The following ANKS1B variants were observed in gnomAD, a reference collection of about 807,000 sequenced individuals.
The protein encoded by ANKS1B is ankyrin repeat and sterile alpha motif domain-containing protein 1B.
In ANKS1B, 36 loss-of-function variants were observed where a neutral mutation model predicts 148.3. The ratio of observed to expected loss-of-function variants is 0.24; its 90% CI spans 0.19 to 0.32. The LOEUF is 0.32. Ranked by LOEUF, ANKS1B falls within the 10% of genes least tolerant of loss-of-function variation. The probability of loss-of-function intolerance (pLI) is 1.00; values close to 1 mark genes in which losing one functional copy is unlikely to be tolerated. For synonymous variants in ANKS1B, 542 were observed against 560.8 expected (o/e 0.97, Z 0.47); for missense variants, 1,157 against 1,542.6 (o/e 0.75, Z 4.19).
intron 8 of ANKS1B, among the ~76,000 whole-genome samples, chr12:99,727,361 C>A (rs886215079): frequency 2.0e-5 from 3 of 151,720 alleles, no homozygotes; most frequent in Non-Finnish European, 4.4e-5. Flanking sequence ...AAGCAGAGGA[C>A]CAAATCACAA....
intron 14 of ANKS1B, among the ~76,000 whole-genome samples, chr12:99,190,663 C>A (rs1032117292): frequency 5.3e-5 from 8 of 152,118 alleles, no homozygotes; most frequent in African/African-American, 1.9e-4. Flanking sequence ...AAACTGCACC[C>A]CCTTCCTTAC....
chr12:99,617,350 G>A (rs559117841), intron 9 of ANKS1B, among the ~76,000 whole-genome samples: 2 of 152,222 alleles, frequency 1.3e-5, no homozygotes, highest in Admixed American at 1.3e-4. Context: ...GATGTTTATT[G>A]TAGCACTATT....
At position 99,060,653 on chromosome 12, in the gene ANKS1B, TCACACACACACACACA is replaced by T. The variant is rs35515489; in HGVS notation, c.2626-7360_2626-7345del. Among the ~76,000 whole-genome samples the T allele has an allele frequency of 3.8e-3, 485 of 126,094 alleles. 5 individuals are homozygous for T. Among genetic ancestry groups the T allele is most frequent in the African/African-American group, 0.011 (374 of 33,854 alleles). 82.7% of individuals were successfully genotyped at this position (126,094 alleles called of 152,430 possible). A position where few individuals can be genotyped will look rare whatever the true frequency, so the allele number is the denominator to read the frequency against. On this transcript the variant is annotated intron_variant, in intron 16 of 26. Coordinates refer to ENST00000683438, the MANE Select transcript of ANKS1B (RefSeq NM_001352186.2). ...ATACACACATATACATATATACACA[TCACACACACACACACA>T]CACACACACACACACACACACACAC...
intron 8 of ANKS1B, among the ~76,000 whole-genome samples, chr12:99,713,186 G>T (rs1265578280): frequency 6.6e-6 from 1 of 152,072 alleles, no homozygotes; most frequent in East Asian, 1.9e-4. Flanking sequence ...TCTGTGAGGG[G>T]ATCCATGAGT....
chr12:98,894,778 G>A (rs1453677350), intron 17 of ANKS1B: 2 of 985,090 alleles, frequency 2.0e-6, no homozygotes, highest in Non-Finnish European at 2.4e-6. Flanking sequence ...TGCGAGCGGC[G>A]AGGCGAGGGC....
chr12:98,765,252 T>C lies in ANKS1B; in HGVS notation c.3579+7790A>G, dbSNP rs577361136. On this transcript the variant is annotated intron_variant, in intron 25 of 26. Transcript: ENST00000683438. ...ATCTCTATTTTACAGATTAGGAAAC[T>C]GAAGACTAGAGGCATTCTTTTTTAT... Among the ~76,000 whole-genome samples, 4 of 152,318 alleles carry C rather than the reference T, an allele frequency of 2.6e-5. No homozygotes were observed. The South Asian group carries it at 6.2e-4, about 24-fold the overall frequency.
In ANKS1B at chr12:99,714,965, A is replaced by C. The variant is rs1053886673; in HGVS notation, c.1128+57957T>G. On this transcript the variant is annotated intron_variant, in intron 8 of 26. Transcript: ENST00000683438. ...GAAATCCCATCTCTATTAAAAATACAAAAAAAAAAAAAAATTAGCTGGGCA... is the reference window on the plus strand; with the variant it reads ...GAAATCCCATCTCTATTAAAAATACCAAAAAAAAAAAAAATTAGCTGGGCA... 1.1e-3 allele frequency among the ~76,000 whole-genome samples: 103 copies of C among 97,030 alleles called. 1 individual carries two copies. The highest frequency in any genetic ancestry group is 3.2e-3 in the African/African-American group (91 of 28,388). The allele number at this position is 97,030 out of a possible 152,430, so 63.7% of individuals were successfully genotyped here. A position where few individuals can be genotyped will look rare whatever the true frequency, so the allele number is the denominator to read the frequency against.
At chr12:98,865,703 T>C (rs1194110830) in intron 17 of ANKS1B, among the ~76,000 whole-genome samples, 1 of 151,982 alleles carries the variant, frequency 6.6e-6, no homozygotes, top group Non-Finnish European at 1.5e-5. Context: ...TATGCTTCAA[T>C]GAGAAGATGG....
intron 17 of ANKS1B, among the ~76,000 whole-genome samples, chr12:98,993,251 T>TCC (rs1233362330): frequency 6.6e-6 from 1 of 152,190 alleles, no homozygotes; most frequent in Non-Finnish European, 1.5e-5. Flanking sequence ...CACTGAAACC[T>TCC]CCACCTCCCA....
Position 98,745,604 on chromosome 12 carries a change from C to T in ANKS1B, c.*135G>A, listed in dbSNP as rs544545940. ...GAACTTCCCCAGGAATGGCCAGTGG[C>T]CTTTCGCCCGTAACAAGGCCGCACG... On this transcript the variant is annotated 3_prime_UTR_variant, in exon 27 of 27. Coordinates refer to ENST00000683438, the MANE Select transcript of ANKS1B (RefSeq NM_001352186.2). 7 of 1,430,612 alleles carry T rather than the reference C, an allele frequency of 4.9e-6. No individual in the cohort carries two copies. Among genetic ancestry groups the T allele is most frequent in the South Asian group, 1.5e-5 (1 of 66,422 alleles). The allele number at this position is 1,430,612 out of a possible 1,614,324, so 88.6% of individuals were successfully genotyped here.
intron 9 of ANKS1B, among the ~76,000 whole-genome samples, chr12:99,571,177 TG>T (rs1267683922): frequency 1.3e-5 from 2 of 152,138 alleles, no homozygotes; most frequent in African/African-American, 2.4e-5. Flanking sequence ...ATGTCTTTTT[TG>T]ATAACAATGC....
At chr12:98,836,712 A>C (rs1333964342) in intron 17 of ANKS1B, among the ~76,000 whole-genome samples, 1 of 152,232 alleles carries the variant, frequency 6.6e-6, no homozygotes, top group African/African-American at 2.4e-5. Flanking sequence ...ACTGCAGTAG[A>C]GAAGAATTCT....
At chr12:98,803,076 A>C (rs2153599377) in intron 20 of ANKS1B, among the ~76,000 whole-genome samples, 1 of 152,250 alleles carries the variant, frequency 6.6e-6, no homozygotes, top group Middle Eastern at 3.4e-3. Flanking sequence ...TTCTAAAATT[A>C]GATTAAGTTT....
intron 15 of ANKS1B, among the ~76,000 whole-genome samples, chr12:99,141,278 C>T (rs2070660471): frequency 6.6e-6 from 1 of 152,052 alleles, no homozygotes; most frequent in Non-Finnish European, 1.5e-5. Context: ...TGACAGTTGT[C>T]TACTACTTCT....
intron 15 of ANKS1B, among the ~76,000 whole-genome samples, chr12:99,145,525 T>C (rs2072735799): frequency 6.6e-6 from 1 of 152,092 alleles, no homozygotes; most frequent in Admixed American, 6.6e-5. Flanking sequence ...GGAGGGAAAC[T>C]GTAAACAAAA....
intron 12 of ANKS1B, among the ~76,000 whole-genome samples, chr12:99,388,131 T>A (rs1339060228): frequency 6.6e-6 from 1 of 152,034 alleles, no homozygotes; most frequent in Non-Finnish European, 1.5e-5. Flanking sequence ...ATATCCTTTT[T>A]AAAAAAATAA....
intron 11 of ANKS1B, among the ~76,000 whole-genome samples, chr12:99,402,406 T>C (rs1368696407): frequency 6.9e-6 from 1 of 145,844 alleles, no homozygotes; most frequent in African/African-American, 2.6e-5. Context: ...TAACAGATTA[T>C]TTTATCGCCC....
intron 17 of ANKS1B, among the ~76,000 whole-genome samples, chr12:99,047,391 C>A (rs2099963197): frequency 6.6e-6 from 1 of 152,152 alleles, no homozygotes; most frequent in African/African-American, 2.4e-5. Context: ...GAGAATAAGA[C>A]TCTGTCTCAG....
chr12:99,617,293 C>T (rs1055389912), intron 9 of ANKS1B, among the ~76,000 whole-genome samples: 2 of 152,118 alleles, frequency 1.3e-5, no homozygotes, highest in Non-Finnish European at 2.9e-5. Flanking sequence ...CATTACCAGG[C>T]ATATACCTAA....
Sources: allele counts gnomAD v4.1 joint callset (sites outside exome capture counted in the v4.1 genomes callset), GRCh38; gene constraint gnomAD v4.1.1; transcripts MANE v1.5; gene names NCBI Gene and HGNC (gene_info 2026-07-23, HGNC 2026-07-21).